FAM13A: variants seen among roughly 807,000 people sequenced by gnomAD.
FAM13A encodes the protein protein FAM13A.
FAM13A carries 76 observed loss-of-function variants against 129.6 expected under a neutral mutation model. The observed-to-expected ratio is 0.59, with a 90% confidence interval of 0.49 to 0.71. FAM13A has a LOEUF of 0.71. FAM13A is among the 30% of genes least tolerant of loss of function. The probability of loss-of-function intolerance (pLI) is 0.00; values close to 1 mark genes in which losing one functional copy is unlikely to be tolerated. For synonymous variants in FAM13A, 443 were observed against 449.9 expected, an observed-to-expected ratio of 0.98 and a Z score of 0.20; for missense variants, 1,108 against 1,249.3, an observed-to-expected ratio of 0.89 and a Z score of 1.70.
At chr4:88,799,070 T>A (rs943514045) in intron 8 of FAM13A, among the ~76,000 whole-genome samples, 5 of 152,218 alleles carry the variant, frequency 3.3e-5, no homozygotes, top group African/African-American at 1.2e-4. Context: ...CCAGAATCTA[T>A]ACTTACATCT....
At chr4:88,822,353 C>A (rs570223346) in intron 7 of FAM13A, among the ~76,000 whole-genome samples, 1 of 152,116 alleles carries the variant, frequency 6.6e-6, no homozygotes, top group South Asian at 2.1e-4. Context: ...TTCGCCTCCC[C>A]CCAGACCCAC....
chr4:89,020,503 C>T lies in FAM13A; in HGVS notation c.384G>A (p.Leu128=). The T allele has an allele frequency of 6.2e-7, 1 of 1,614,054 alleles. No individual in the cohort carries two copies. The highest frequency in any genetic ancestry group is 1.1e-5 in the South Asian group (1 of 91,066). The stretch of plus-strand genomic sequence containing the variant: ...ATCGAGGCTGCAACGCTGAGGTGAT[C>T]AGACTGTCAGGCAGCTCCCTCAGAA... ...KLFLRELPDS[L]ITSALQPRFI... is the part of the protein sequence containing the mutation. The change falls in exon 3 of 24, where the codon CTG becomes CTA. Residue 128 remains leucine (L), a synonymous_variant. Coordinates refer to ENST00000264344, the MANE Select transcript of FAM13A (RefSeq NM_014883.4).
chr4:88,847,154 G>A (rs567021464), intron 7 of FAM13A, among the ~76,000 whole-genome samples: 1 of 152,314 alleles, frequency 6.6e-6, no homozygotes, highest in African/African-American at 2.4e-5. Context: ...TGTGATAGAG[G>A]TGGCCAGGTT....
intron 10 of FAM13A, among the ~76,000 whole-genome samples, chr4:88,783,839 T>A (rs772731369): frequency 1.3e-5 from 2 of 151,822 alleles, no homozygotes; most frequent in African/African-American, 2.4e-5. Flanking sequence ...GCAGACACAG[T>A]GAAAAGGTAG....
At chr4:88,783,701 A>AC (rs1284780064) in intron 10 of FAM13A, among the ~76,000 whole-genome samples, 24 of 152,146 alleles carry the variant, frequency 1.6e-4, no homozygotes, top group African/African-American at 5.6e-4. Context: ...ATATTTGGAG[A>AC]CAGGGCCTTT....
Position 88,893,989 on chromosome 4 carries a change from T to C in FAM13A, c.843+12390A>G, listed in dbSNP as rs188232312. Among the ~76,000 whole-genome samples the C allele has an allele frequency of 1.6e-4, 25 of 152,280 alleles. No individual in the cohort carries two copies. The East Asian group carries it at 4.6e-3, about 28-fold the overall frequency. The stretch of plus-strand genomic sequence containing the variant: ...CAGTGTCTCTGGCACAACTAGAAAT[T>C]AGTGCAATCCAAATTAAGGCAATAG... On this transcript the variant is annotated intron_variant, in intron 6 of 23. Transcript: ENST00000264344.
chr4:88,779,238 AT>A (rs1437606296), intron 11 of FAM13A, among the ~76,000 whole-genome samples: 4 of 152,250 alleles, frequency 2.6e-5, no homozygotes, highest in Admixed American at 1.3e-4. Flanking sequence ...ATTATGTATA[AT>A]TTTTTTAAGC....
rs534158486 is a variant in FAM13A, at chr4:88,767,615, C to CA, written c.1536-21dup. 7.7e-6 allele frequency: 12 copies of CA among 1,565,788 alleles called. No individual in the cohort carries two copies. The South Asian group carries it at 9.4e-5, about 12-fold the overall frequency. On this transcript the variant is annotated intron_variant, in intron 12 of 23. Coordinates refer to ENST00000264344, the MANE Select transcript of FAM13A (RefSeq NM_014883.4). ...CCTTTCCTATAAATAATGGCAACAA[C>CA]AAAAAAATCATAAAATATCTACTTG...
At chr4:88,922,142 T>C (rs997427916) in intron 5 of FAM13A, among the ~76,000 whole-genome samples, 4 of 151,996 alleles carry the variant, frequency 2.6e-5, no homozygotes, top group Admixed American at 6.6e-5. Flanking sequence ...GACAGATCAA[T>C]GAGACAGAAA....
At chr4:88,762,398 G>A (rs1376525760) in intron 13 of FAM13A, among the ~76,000 whole-genome samples, 1 of 152,124 alleles carries the variant, frequency 6.6e-6, no homozygotes, top group Admixed American at 6.5e-5. Flanking sequence ...GCACAATCCT[G>A]GACACACTAA....
At position 88,758,846 on chromosome 4, in the gene FAM13A, C is replaced by A. The variant is rs148685072; in HGVS notation, c.1634G>T (p.Arg545Ile). The A allele has an allele frequency of 4.3e-6, 7 of 1,614,062 alleles. No homozygotes were observed. The highest frequency in any genetic ancestry group is 5.9e-6 in the Non-Finnish European group (7 of 1,179,926). ...CTCCTGGTCACCGGCATCTTGATTT[C>A]TCTGCTGTTTGGTGTCAGATAGGCT... ...HPSLSDTKQQ[R>I]NQDAGDQEES... The change falls in exon 14 of 24, where the codon AGA becomes ATA. Residue 545 changes from arginine (R) to isoleucine (I), a missense_variant. By Grantham distance (97) the Arg-to-Ile change is moderately conservative. This residue lies in a region of FAM13A where 529 missense variants were observed against 621.2 expected (regional missense o/e 0.85). Transcript: ENST00000264344.
At chr4:88,966,696 T>C (rs1343770086) in intron 4 of FAM13A, among the ~76,000 whole-genome samples, 1 of 152,204 alleles carries the variant, frequency 6.6e-6, no homozygotes, top group Non-Finnish European at 1.5e-5. Context: ...AATAGTTCTA[T>C]TCTATGTTAA....
intron 6 of FAM13A, among the ~76,000 whole-genome samples, chr4:88,857,507 CAA>C (rs1177151601): frequency 6.6e-6 from 1 of 150,820 alleles, no homozygotes; most frequent in Non-Finnish European, 1.5e-5. Context: ...CGCATGCCTG[CAA>C]TACCAGCTAC....
At chr4:88,958,513 T>A (rs1758124059) in intron 4 of FAM13A, among the ~76,000 whole-genome samples, 1 of 152,208 alleles carries the variant, frequency 6.6e-6, no homozygotes, top group South Asian at 2.1e-4. Context: ...AAGCTGTAAG[T>A]CTTGGTGGCT....
chr4:88,916,161 G>A (rs1346998769), intron 5 of FAM13A, among the ~76,000 whole-genome samples: 1 of 151,994 alleles, frequency 6.6e-6, no homozygotes, highest in Non-Finnish European at 1.5e-5. Context: ...CTTGAGCTTG[G>A]ACTTCTCAGC....
chr4:88,891,339 G>A (rs755622543), intron 6 of FAM13A, among the ~76,000 whole-genome samples: 10 of 152,132 alleles, frequency 6.6e-5, no homozygotes, highest in Non-Finnish European at 4.4e-5. Context: ...TGGGAGGCAC[G>A]AACATGGGAG....
At chr4:88,844,422 T>C (rs1193675173) in intron 7 of FAM13A, among the ~76,000 whole-genome samples, 2 of 152,210 alleles carry the variant, frequency 1.3e-5, no homozygotes, top group African/African-American at 2.4e-5. Flanking sequence ...TCATGGGTTC[T>C]TCATCCAAGG....
chr4:88,880,481 T>C (rs1743337335), intron 6 of FAM13A, among the ~76,000 whole-genome samples: 1 of 151,544 alleles, frequency 6.6e-6, no homozygotes, highest in South Asian at 2.1e-4. Context: ...CTCATAGGGG[T>C]CCTTGGGCAG....
At chr4:89,051,621 T>C (rs897562016) in intron 1 of FAM13A, among the ~76,000 whole-genome samples, 3 of 152,128 alleles carry the variant, frequency 2.0e-5, no homozygotes, top group Non-Finnish European at 2.9e-5. Context: ...CTAAATCAAC[T>C]ATGGGTAAGA....
Sources: allele counts gnomAD v4.1 joint callset (sites outside exome capture counted in the v4.1 genomes callset), GRCh38; gene constraint gnomAD v4.1.1; regional missense constraint gnomAD v4.1.1; transcripts MANE v1.5; gene names NCBI Gene and HGNC (gene_info 2026-07-23, HGNC 2026-07-21).